The following PEMT variants were observed in gnomAD, a reference collection of about 807,000 sequenced individuals.
PEMT encodes the protein phospholipid methyltransferase.
PEMT carries 23 observed loss-of-function variants against 27.4 expected under a neutral mutation model. The ratio of observed to expected loss-of-function variants is 0.84; its 90% CI spans 0.60 to 1.19. The LOEUF (loss-of-function observed/expected upper bound fraction) is 1.19, where lower values mean the gene tolerates loss of function less well. Among genes scored for constraint, PEMT ranks in the 50% most tolerant of loss-of-function variants. PEMT has a pLI of 0.00. For missense variants in PEMT, 307 were observed against 310.1 expected, an observed-to-expected ratio of 0.99 and a Z score of 0.07; for synonymous variants, 137 against 139.1, an observed-to-expected ratio of 0.98 and a Z score of 0.11.
rs1012462461 is a variant in PEMT, at chr17:17,511,694, G to A, written c.466+815C>T. 3.3e-5 allele frequency among the ~76,000 whole-genome samples: 5 copies of A among 152,308 alleles called. No homozygotes were observed. In the East Asian group the frequency reaches 5.8e-4, roughly 18 times the overall value. ...ACCCATGACGGAGAGCGGGCAATGC[G>A]GCCAGCTGGACCAACTCCCTGCTCA... is the stretch of plus-strand genomic sequence containing the variant. On this transcript the variant is annotated intron_variant, in intron 4 of 6. Transcript: ENST00000255389.
At chr17:17,587,303 G>A (rs1052143957) in intron 1 of PEMT, among the ~76,000 whole-genome samples, 10 of 152,084 alleles carry the variant, frequency 6.6e-5, no homozygotes, top group African/African-American at 2.4e-4. Flanking sequence ...GGAATACTAT[G>A]AATAACACAA....
At chr17:17,521,587 G>A (rs371726659) in intron 3 of PEMT, among the ~76,000 whole-genome samples, 2 of 152,108 alleles carry the variant, frequency 1.3e-5, no homozygotes, top group Admixed American at 6.5e-5. Flanking sequence ...AATGTGAGAC[G>A]GAGTCTCGCT....
At chr17:17,529,961 G>T (rs1028772145) in intron 2 of PEMT, among the ~76,000 whole-genome samples, 1 of 152,072 alleles carries the variant, frequency 6.6e-6, no homozygotes, top group East Asian at 1.9e-4. Flanking sequence ...TAAGCTCCAG[G>T]ATATATTCAT....
At chr17:17,592,034 G>A (rs1032519589), upstream of PEMT, 1 of 985,364 alleles carries the variant, frequency 1.0e-6, no homozygotes, top group Non-Finnish European at 1.2e-6. Context: ...GTAGCTATAA[G>A]CAGCTTCCCG....
At chr17:17,522,437 G>T in intron 2 of PEMT, 42 bp from the exon 3 acceptor site, 23 of 1,245,192 alleles carry the variant, frequency 1.8e-5, no homozygotes, top group Non-Finnish European at 2.5e-5. Context: ...ATTTCCTGGG[G>T]AGACTCCAGG....
intron 2 of PEMT, among the ~76,000 whole-genome samples, chr17:17,565,488 C>T (rs951945231): frequency 2.0e-5 from 3 of 152,246 alleles, no homozygotes; most frequent in Admixed American, 2.0e-4. Context: ...TAGCACTTAC[C>T]GTCTCCTATC....
intron 2 of PEMT, among the ~76,000 whole-genome samples, chr17:17,562,236 G>A (rs1053278377): frequency 8.5e-5 from 13 of 152,244 alleles, no homozygotes; most frequent in African/African-American, 2.9e-4. Context: ...TGCTGCTTCT[G>A]TAACACCAGT....
chr17:17,511,383 C>T (rs70963101), intron 4 of PEMT, among the ~76,000 whole-genome samples: 318 of 152,330 alleles, frequency 2.1e-3, no homozygotes, highest in African/African-American at 6.8e-3. Flanking sequence ...TGGCCATGGG[C>T]GATCCAGAAT....
chr17:17,510,590 A>G (rs910792461), intron 4 of PEMT, among the ~76,000 whole-genome samples: 2 of 152,232 alleles, frequency 1.3e-5, no homozygotes, highest in Non-Finnish European at 1.5e-5. Context: ...GGGTGTGCGT[A>G]GATGGCACAG....
chr17:17,506,285 CCGTGGGGCTGG>C lies in PEMT; in HGVS notation c.584_594del (p.Ala195GlyfsTer25). 1 of 1,582,740 alleles carries C rather than the reference CCGTGGGGCTGG, an allele frequency of 6.3e-7. No homozygotes were observed. Among genetic ancestry groups the C allele is most frequent in the Non-Finnish European group, 8.6e-7 (1 of 1,163,752 alleles). On this transcript the variant is annotated frameshift_variant, in exon 6 of 7. Coordinates refer to ENST00000255389, the MANE Select transcript of PEMT (RefSeq NM_148172.3). LOFTEE classifies it high-confidence loss of function. ...GCCACCAGCACCGTCAGGAGCAGGC[CCGTGGGGCTGG>C]CGTGCCTGAAAGGACAGAGGCAGGT...
intron 2 of PEMT, among the ~76,000 whole-genome samples, chr17:17,575,928 G>A (rs775769473): frequency 5.3e-5 from 8 of 152,218 alleles, no homozygotes; most frequent in Non-Finnish European, 1.2e-4. Flanking sequence ...TGAAAAACAT[G>A]TCCTGTTCTG....
chr17:17,587,532 G>C (rs556125350), intron 1 of PEMT, among the ~76,000 whole-genome samples: 12 of 152,214 alleles, frequency 7.9e-5, no homozygotes, highest in Admixed American at 7.9e-4. Context: ...ATATGGAAGA[G>C]GGAGGCAATA....
At chr17:17,579,855 A>G (rs1161899119) in intron 1 of PEMT, among the ~76,000 whole-genome samples, 2 of 152,240 alleles carry the variant, frequency 1.3e-5, no homozygotes, top group Non-Finnish European at 2.9e-5. Flanking sequence ...CACTCCGCAA[A>G]TGGCGGGAAG....
intron 2 of PEMT, among the ~76,000 whole-genome samples, chr17:17,544,265 TTG>T (rs374613864): frequency 4.8e-4 from 72 of 151,408 alleles, no homozygotes; most frequent in African/African-American, 1.6e-3. Context: ...GAAGCCCAGC[TTG>T]TGTTTCTTTT....
chr17:17,553,010 A>C (rs1386152699), intron 2 of PEMT, among the ~76,000 whole-genome samples: 1 of 152,152 alleles, frequency 6.6e-6, no homozygotes, highest in East Asian at 1.9e-4. Flanking sequence ...GCCTCCCAGA[A>C]ACCCCAATCG....
chr17:17,586,939 G>T (rs1428219618), intron 1 of PEMT, among the ~76,000 whole-genome samples: 1 of 152,084 alleles, frequency 6.6e-6, no homozygotes, highest in Non-Finnish European at 1.5e-5. Flanking sequence ...GGAGACGGAG[G>T]TTGCAGTGAG....
chr17:17,585,415 C>A (rs1164961206), intron 1 of PEMT, among the ~76,000 whole-genome samples: 9 of 152,160 alleles, frequency 5.9e-5, no homozygotes, highest in Non-Finnish European at 1.3e-4. Context: ...GTGGAAAAGA[C>A]AAATCCACAG....
chr17:17,587,551 C>T (rs1741187345), intron 1 of PEMT, among the ~76,000 whole-genome samples: 1 of 152,102 alleles, frequency 6.6e-6, no homozygotes, highest in Non-Finnish European at 1.5e-5. Context: ...TACTTCCCAA[C>T]TCACTGTATT....
Position 17,523,917 on chromosome 17 carries a change from C to T in PEMT, c.205-1522G>A, listed in dbSNP as rs963513162. 2.6e-5 allele frequency among the ~76,000 whole-genome samples: 4 copies of T among 152,168 alleles called. No individual in the cohort carries two copies. The highest frequency in any genetic ancestry group is 9.7e-5 in the African/African-American group (4 of 41,436). On this transcript the variant is annotated intron_variant, in intron 2 of 6. Transcript: ENST00000255389. This position sits in a 1 kb window ranked among gnomAD's most constrained non-coding sequence, Gnocchi z 4.8. ...CACCCCAAGTAGAAACCCCGTCCTCCCCATCCCCCATCTGCCGGCCCCTGG... is the reference window on the plus strand; with the variant it reads ...CACCCCAAGTAGAAACCCCGTCCTCTCCATCCCCCATCTGCCGGCCCCTGG...
Sources: gnomAD v4.1 joint callset for allele counts (sites outside exome capture counted in the v4.1 genomes callset) on GRCh38, gnomAD v4.1.1 for gene constraint, Gnocchi (gnomAD v3.1) non-coding constraint, MANE v1.5 for transcripts, NCBI Gene and HGNC (gene_info 2026-07-23, HGNC 2026-07-21) for gene names.